Variants in MYOM3 observed in about 807,000 individuals in gnomAD.
MYOM3 encodes myomesin-3.
A neutral mutation model predicts 191.7 loss-of-function variants in MYOM3; 155 were observed. The observed-to-expected ratio is 0.81, with a 90% CI of 0.71 to 0.92. The LOEUF is 0.92. MYOM3 is among the 40% of genes least tolerant of loss of function. The pLI is 0.00. For synonymous variants in MYOM3, 757 were observed against 762.9 expected, an observed-to-expected ratio of 0.99 and a Z score of 0.13; for missense variants, 1,889 against 1,890.6, an observed-to-expected ratio of 1.00 and a Z score of 0.02.
In MYOM3 at chr1:24,068,362, G is replaced by A. The variant is rs755680537; in HGVS notation, c.3156C>T (p.Arg1052=). Residue 1052 remains arginine, a synonymous_variant, in exon 26 of 37, where the codon CGC becomes CGT. Coordinates refer to ENST00000374434, the MANE Select transcript of MYOM3 (RefSeq NM_152372.4). The part of the protein sequence containing the change: ...NNKEIFSSPN[R]KINFDREKGL... ...CCTTCTCTCGGTCAAAATTGATTTT[G>A]CGGTTCTGAAAAGGACAAACTCCAG... 1 of 1,614,116 alleles carries A rather than the reference G, an allele frequency of 6.2e-7. No homozygotes were observed. The highest frequency in any genetic ancestry group is 1.7e-5 in the Admixed American group (1 of 60,022).
chr1:24,077,297 C>T (rs942967654), intron 20 of MYOM3, among the ~76,000 whole-genome samples: 1 of 152,212 alleles, frequency 6.6e-6, no homozygotes, highest in Non-Finnish European at 1.5e-5. Context: ...ATGTGTACAT[C>T]TTTTAGTGGC....
rs1305811835 is a variant in MYOM3, at chr1:24,087,592, G to C, written c.1615-765C>G. On this transcript the variant is annotated intron_variant, in intron 14 of 36. Transcript: ENST00000374434. This position sits in a 1 kb window ranked among gnomAD's most constrained non-coding sequence, Gnocchi z 4.5. ...CTCAGCCTGGAATGTTCTTCTCCGA[G>C]AAATCTCTTGGCTTCCTGTAGGCCT... Among the ~76,000 whole-genome samples the C allele has an allele frequency of 6.6e-6, 1 of 152,116 alleles. No individual in the cohort carries two copies. Among genetic ancestry groups the C allele is most frequent in the South Asian group, 2.1e-4 (1 of 4,822 alleles).
At chr1:24,110,759 G>C (rs149473415) in intron 1 of MYOM3, among the ~76,000 whole-genome samples, 2 of 152,186 alleles carry the variant, frequency 1.3e-5, no homozygotes, top group African/African-American at 4.8e-5. Flanking sequence ...CCTCCCGATG[G>C]AAGAAGTTCT....
At chr1:24,100,545 A>G (rs569273468) in intron 5 of MYOM3, among the ~76,000 whole-genome samples, 2 of 152,220 alleles carry the variant, frequency 1.3e-5, no homozygotes, top group African/African-American at 4.8e-5. Context: ...GAGGATGGCT[A>G]TTCTTCATTT....
chr1:24,058,696 T>C (rs1273610885), intron 36 of MYOM3, among the ~76,000 whole-genome samples: 1 of 152,188 alleles, frequency 6.6e-6, no homozygotes, highest in African/African-American at 2.4e-5. Flanking sequence ...AAGTCTAGGA[T>C]GCCCAGGGCT....
chr1:24,067,284 CTTTCT>C lies in MYOM3; in HGVS notation c.3356-201_3356-197del, dbSNP rs1557602233. ...AATTTCTTTCTTTCTTTCTTCCTTC[CTTTCT>C]TTCTTTCTTTCTTTCCTTCTTTCTT... On this transcript the variant is annotated intron_variant, in intron 27 of 36. Coordinates refer to ENST00000374434, the MANE Select transcript of MYOM3 (RefSeq NM_152372.4). Among the ~76,000 whole-genome samples the C allele has an allele frequency of 9.5e-4, 56 of 58,732 alleles. 1 individual carries two copies. In the South Asian group the frequency reaches 0.023, roughly 24 times the overall value. 38.5% of individuals were successfully genotyped at this position (58,732 alleles called of 152,430 possible).
intron 7 of MYOM3, among the ~76,000 whole-genome samples, chr1:24,096,075 C>G (rs1471543134): frequency 6.6e-6 from 1 of 152,196 alleles, no homozygotes; most frequent in Non-Finnish European, 1.5e-5. Context: ...TATTATTATC[C>G]TCTCAAACAG....
At chr1:24,092,916 G>C (rs1045343776) in intron 10 of MYOM3, 31 bp downstream of exon 10, 5 of 1,478,358 alleles carry the variant, frequency 3.4e-6, no homozygotes, top group Non-Finnish European at 4.5e-6. Context: ...CTGGGCTCCT[G>C]CTGCTACCCT....
chr1:24,084,263 C>A, intron 16 of MYOM3: 1 of 577,760 alleles, frequency 1.7e-6, no homozygotes, highest in South Asian at 2.0e-5. Flanking sequence ...CCCTCTCCTG[C>A]TCCCGCCATG....
chr1:24,081,847 C>T, intron 18 of MYOM3, 154 bp downstream of exon 18: 1 of 748,950 alleles, frequency 1.3e-6, no homozygotes, highest in Non-Finnish European at 2.2e-6. Flanking sequence ...CAGTTCTGTT[C>T]AAGGTGGGTC....
chr1:24,063,528 G>A lies in MYOM3; in HGVS notation c.3625C>T (p.Leu1209=), dbSNP rs1435503127. 2.5e-6 allele frequency: 4 copies of A among 1,614,168 alleles called. No individual in the cohort carries two copies. Among genetic ancestry groups the A allele is most frequent in the Middle Eastern group, 3.3e-4 (2 of 6,062 alleles). The change falls in exon 31 of 37, where the codon CTG becomes TTG. Residue 1209 remains leucine, a splice_region_variant and synonymous_variant. Coordinates refer to ENST00000374434, the MANE Select transcript of MYOM3 (RefSeq NM_152372.4). The surrounding 1 kb of genome is among the most constrained non-coding windows in gnomAD (Gnocchi z 4.5). ...DTILDLTGDA[L]DAIFTELGRI... is the part of the protein sequence containing the mutation. ...CCCAACTCGGTGAAGATGGCATCCA[G>A]GGCTGGCGGGAAACAGAGAGAAGGG...
chr1:24,085,381 G>C (rs886097502), intron 15 of MYOM3, among the ~76,000 whole-genome samples: 1 of 152,184 alleles, frequency 6.6e-6, no homozygotes, highest in Non-Finnish European at 1.5e-5. Context: ...TGAATAGATG[G>C]ATAGATGGAC....
chr1:24,084,330 T>C (rs1643709741), intron 16 of MYOM3, 138 bp downstream of exon 16: 5 of 894,448 alleles, frequency 5.6e-6, no homozygotes, highest in East Asian at 5.3e-5. Context: ...TCCTGAGGCC[T>C]CCCCAGAAAA....
At position 24,066,478 on chromosome 1, in the gene MYOM3, C is replaced by T. The variant is rs926852615; in HGVS notation, c.3424-477G>A. ...TGCTTCTGGGAGAGCACCCACCCTC[C>T]CCTTCCCCAGTTATCTAAACAGGCT... On this transcript the variant is annotated intron_variant, in intron 28 of 36. Coordinates refer to ENST00000374434, the MANE Select transcript of MYOM3 (RefSeq NM_152372.4). 2.2e-5 allele frequency: 12 copies of T among 536,244 alleles called. No homozygotes were observed. In the Admixed American group the frequency reaches 2.9e-4, roughly 13 times the overall value. 33.2% of individuals were successfully genotyped at this position (536,244 alleles called of 1,614,324 possible).
chr1:24,086,479 T>A (rs1643748559), intron 15 of MYOM3, among the ~76,000 whole-genome samples, 165 bp downstream of exon 15: 1 of 152,198 alleles, frequency 6.6e-6, no homozygotes, highest in Non-Finnish European at 1.5e-5. Flanking sequence ...ATGTGATTTC[T>A]GATGTCTTAA....
At chr1:24,082,391 C>T (rs1292920852) in intron 17 of MYOM3, 49 of 883,972 alleles carry the variant, frequency 5.5e-5, no homozygotes, top group Non-Finnish European at 7.9e-5. Flanking sequence ...CCCCCCAGAG[C>T]TGCTCAGGCC....
At chr1:24,110,369 T>TGTGTGTGTGC (rs1491335329) in intron 1 of MYOM3, among the ~76,000 whole-genome samples, 1 of 151,954 alleles carries the variant, frequency 6.6e-6, no homozygotes, top group Non-Finnish European at 1.5e-5. Context: ...CATGTGTGTG[T>TGTGTGTGTGC]ATGTGTGTGT....
chr1:24,069,702 C>A (rs760025110), intron 25 of MYOM3, among the ~76,000 whole-genome samples: 1 of 151,646 alleles, frequency 6.6e-6, no homozygotes, highest in Non-Finnish European at 1.5e-5. Flanking sequence ...CTCTGTCTCC[C>A]GGGTTCAAGC....
At position 24,090,816 on chromosome 1, in the gene MYOM3, A is replaced by G; in HGVS notation, c.1413T>C (p.Asp471=). The change falls in exon 12 of 37, where the codon GAT becomes GAC. Residue 471 remains aspartate (D), a synonymous_variant. Transcript: ENST00000374434. ...ACCCACCTGTCTTCCTCCGGGCTGC[A>G]TCATGGTCACCCATGACAACCAACT... is the stretch of plus-strand genomic sequence containing the variant. ...ASELVVMGDH[D]AARRKTEIPF... 6.2e-7 allele frequency: 1 copy of G among 1,614,104 alleles called. No individual in the cohort carries two copies. Among genetic ancestry groups the G allele is most frequent in the Non-Finnish European group, 8.5e-7 (1 of 1,180,000 alleles).
Sources: allele counts gnomAD v4.1 joint callset (sites outside exome capture counted in the v4.1 genomes callset), GRCh38; gene constraint gnomAD v4.1.1; non-coding constraint Gnocchi (gnomAD v3.1); transcripts MANE v1.5; gene names NCBI Gene and HGNC (gene_info 2026-07-23, HGNC 2026-07-21).